The following SMAD9 variants were observed in gnomAD, a reference collection of about 807,000 sequenced individuals.
SMAD9 encodes the protein MAD homolog 9.
A neutral mutation model predicts 46.1 loss-of-function variants in SMAD9; 36 were observed. That is an observed-to-expected ratio of 0.78 (90% CI 0.60 to 1.03). The LOEUF (loss-of-function observed/expected upper bound fraction) is 1.03, where lower values mean the gene tolerates loss of function less well. Among genes scored for constraint, SMAD9 ranks in the 50% least tolerant of loss-of-function variants. The pLI is 0.00. For synonymous variants in SMAD9, 245 were observed against 237.1 expected (o/e 1.03, Z -0.31); for missense variants, 572 against 599.8 (o/e 0.95, Z 0.48).
intron 2 of SMAD9, among the ~76,000 whole-genome samples, chr13:36,874,118 A>C (rs913495416): frequency 6.6e-6 from 1 of 152,220 alleles, no homozygotes; most frequent in Non-Finnish European, 1.5e-5. Context: ...TGTGACCAAC[A>C]TAAGTTCCAG....
chr13:36,885,107 G>C (rs2058434193), intron 1 of SMAD9, among the ~76,000 whole-genome samples: 1 of 152,136 alleles, frequency 6.6e-6, no homozygotes, highest in Non-Finnish European at 1.5e-5. Flanking sequence ...AACCAATTTA[G>C]AAAGTGAACA....
chr13:36,890,817 A>G (rs1173822031), intron 1 of SMAD9, among the ~76,000 whole-genome samples: 1 of 146,842 alleles, frequency 6.8e-6, no homozygotes, highest in Non-Finnish European at 1.5e-5. Context: ...TCCCCTCTCC[A>G]CACCCCCATG....
intron 2 of SMAD9, among the ~76,000 whole-genome samples, 165 bp downstream of exon 2, chr13:36,879,112 GA>G (rs1485429257): frequency 2.6e-5 from 4 of 151,870 alleles, no homozygotes; most frequent in Non-Finnish European, 2.9e-5. Flanking sequence ...CTCATTCCGG[GA>G]AACAAAATTT....
intron 1 of SMAD9, among the ~76,000 whole-genome samples, chr13:36,896,693 TC>T (rs2058531355): frequency 6.6e-6 from 1 of 152,120 alleles, no homozygotes; most frequent in African/African-American, 2.4e-5. Flanking sequence ...ATGGAAAAGT[TC>T]CTAAAAAAGG....
At chr13:36,897,272 T>C (rs908355699) in intron 1 of SMAD9, among the ~76,000 whole-genome samples, 2 of 152,034 alleles carry the variant, frequency 1.3e-5, no homozygotes, top group Non-Finnish European at 2.9e-5. Flanking sequence ...AGCTTGGACT[T>C]ATTTATAGAT....
chr13:36,903,110 C>CT (rs36063047), intron 1 of SMAD9, among the ~76,000 whole-genome samples: 4 of 141,334 alleles, frequency 2.8e-5, no homozygotes, highest in African/African-American at 1.0e-4. Flanking sequence ...GGGGCTCTTT[C>CT]TTTTTTTTTC....
At chr13:36,881,126 A>T (rs991525205) in intron 1 of SMAD9, among the ~76,000 whole-genome samples, 1 of 152,218 alleles carries the variant, frequency 6.6e-6, no homozygotes, top group African/African-American at 2.4e-5. Flanking sequence ...CCTGTCATCC[A>T]CAGGAGATGT....
At chr13:36,892,309 T>C (rs2058494455) in intron 1 of SMAD9, among the ~76,000 whole-genome samples, 2 of 152,164 alleles carry the variant, frequency 1.3e-5, no homozygotes, top group African/African-American at 4.8e-5. Context: ...AACAAGTAGA[T>C]TTTTATGTGC....
intron 1 of SMAD9, among the ~76,000 whole-genome samples, chr13:36,884,431 C>T (rs922702818): frequency 9.9e-5 from 15 of 152,268 alleles, no homozygotes; most frequent in Admixed American, 7.2e-4. Flanking sequence ...ACACTTCACA[C>T]ACTTGCAGCA....
rs747809295 is a variant in SMAD9, at chr13:36,879,647, T to C, written c.43A>G (p.Ser15Gly). ...TPISSLFSFTSPAVKRLLGWK... is the reference protein window; with the variant it reads ...TPISSLFSFTGPAVKRLLGWK... ...CCTAGCAGTCTCTTCACTGCGGGGC[T>C]GGTGAAGGAGAAGAGGGAGCTGATG... Residue 15 changes from serine (S) to glycine (G), a missense_variant, in exon 2 of 7, where the codon AGC (serine) becomes GGC (glycine). By Grantham distance (56) the Ser-to-Gly change is moderately conservative (BLOSUM62 0). Coordinates refer to ENST00000379826, the MANE Select transcript of SMAD9 (RefSeq NM_001127217.3). 2 of 1,614,180 alleles carry C rather than the reference T, an allele frequency of 1.2e-6. No homozygotes were observed. Among genetic ancestry groups the C allele is most frequent in the South Asian group, 1.1e-5 (1 of 91,086 alleles).
At chr13:36,874,548 G>A (rs576452708) in intron 2 of SMAD9, among the ~76,000 whole-genome samples, 1 of 152,192 alleles carries the variant, frequency 6.6e-6, no homozygotes, top group South Asian at 2.1e-4. Flanking sequence ...AGAGGAGGAA[G>A]GAAGAAGATG....
chr13:36,919,465 T>C (rs1223636838), intron 1 of SMAD9, among the ~76,000 whole-genome samples: 1 of 152,118 alleles, frequency 6.6e-6, no homozygotes, highest in African/African-American at 2.4e-5. Context: ...TAACTTTTTT[T>C]CTCAGTTCGC....
chr13:36,863,934 C>A (rs1325447408), intron 5 of SMAD9, among the ~76,000 whole-genome samples: 1 of 152,184 alleles, frequency 6.6e-6, no homozygotes, highest in Non-Finnish European at 1.5e-5. Flanking sequence ...TCAGCAGGAG[C>A]ACCTTGAAGA....
intron 1 of SMAD9, among the ~76,000 whole-genome samples, chr13:36,882,991 G>A (rs1176376998): frequency 6.6e-6 from 1 of 152,146 alleles, no homozygotes; most frequent in Non-Finnish European, 1.5e-5. Flanking sequence ...TGTCCAGGCA[G>A]TGCACTTTAG....
At chr13:36,899,333 A>G (rs1338624530) in intron 1 of SMAD9, among the ~76,000 whole-genome samples, 2 of 152,246 alleles carry the variant, frequency 1.3e-5, no homozygotes, top group East Asian at 1.9e-4. Context: ...TTAGGATTTC[A>G]GTTCTCCCCA....
At chr13:36,877,088 G>T (rs1470703866) in intron 2 of SMAD9, among the ~76,000 whole-genome samples, 1 of 152,140 alleles carries the variant, frequency 6.6e-6, no homozygotes, top group Non-Finnish European at 1.5e-5. Context: ...TAAAGGCCAG[G>T]TATGGTGGCT....
At chr13:36,897,040 C>T (rs1449146281) in intron 1 of SMAD9, among the ~76,000 whole-genome samples, 1 of 150,388 alleles carries the variant, frequency 6.6e-6, no homozygotes, top group Non-Finnish European at 1.5e-5. Context: ...TCAACAGCTT[C>T]AAAGTAACTG....
At chr13:36,911,075 G>A (rs2058657103) in intron 1 of SMAD9, among the ~76,000 whole-genome samples, 1 of 152,006 alleles carries the variant, frequency 6.6e-6, no homozygotes, top group African/African-American at 2.4e-5. Flanking sequence ...GCGTGATCAT[G>A]GCTCACCGCA....
At position 36,853,634 on chromosome 13, in the gene SMAD9, A is replaced by C. The variant is rs1284819257; in HGVS notation, c.1045T>G (p.Cys349Gly). 4 of 1,613,906 alleles carry C rather than the reference A, an allele frequency of 2.5e-6. No individual in the cohort carries two copies. In the Admixed American group the frequency reaches 6.7e-5, roughly 27 times the overall value. ...ACAAAGATGCTGCTGTCACTCACGC[A>C]CTCGGCATACACCTCTCCCCCGACG... is the stretch of plus-strand genomic sequence containing the variant. The part of the protein sequence containing the change: ...YYVGGEVYAE[C>G]VSDSSIFVQS... The change falls in exon 6 of 7, where the codon TGC becomes GGC. Residue 349 changes from cysteine to glycine, a missense_variant. Physicochemically the swap from Cys to Gly is radical, Grantham distance 159. Coordinates refer to ENST00000379826, the MANE Select transcript of SMAD9 (RefSeq NM_001127217.3).
Sources: allele counts gnomAD v4.1 joint callset (sites outside exome capture counted in the v4.1 genomes callset), GRCh38; gene constraint gnomAD v4.1.1; transcripts MANE v1.5; gene names NCBI Gene and HGNC (gene_info 2026-07-23, HGNC 2026-07-21).